The following FLT1 variants were observed in gnomAD, a reference collection of about 807,000 sequenced individuals.
FLT1 encodes the protein vascular endothelial growth factor receptor 1.
A neutral mutation model predicts 156.3 loss-of-function variants in FLT1; 49 were observed. The ratio of observed to expected loss-of-function variants is 0.31; its 90% CI spans 0.25 to 0.40. The LOEUF is 0.40. FLT1 is among the 10% of genes least tolerant of loss of function. The probability of loss-of-function intolerance (pLI) is 1.00; values close to 1 mark genes in which losing one functional copy is unlikely to be tolerated. For missense variants in FLT1, 1,322 were observed against 1,637.2 expected, an observed-to-expected ratio of 0.81 and a Z score of 3.32; for synonymous variants, 594 against 583.8, an observed-to-expected ratio of 1.02 and a Z score of -0.25.
rs1870460982 is a variant in FLT1, at chr13:28,300,516, TA to T, written c.*2650del. On this transcript the variant is annotated 3_prime_UTR_variant, in exon 30 of 30. Transcript: ENST00000282397. ...TAAATAGTTATGCACAAAACACACA[TA>T]CACCCACACACACACACACACACAC... 1.7e-5 allele frequency: 3 copies of T among 171,494 alleles called. No homozygotes were observed. Among genetic ancestry groups the T allele is most frequent in the East Asian group, 6.8e-5 (1 of 14,802 alleles). The allele number at this position is 171,494 out of a possible 1,614,324, so 10.6% of individuals were successfully genotyped here.
At chr13:28,361,703 A>G (rs1030468960) in intron 14 of FLT1, among the ~76,000 whole-genome samples, 8 of 152,218 alleles carry the variant, frequency 5.3e-5, no homozygotes, top group African/African-American at 1.9e-4. Flanking sequence ...TAAAAACACA[A>G]AACTTTGCTG....
chr13:28,386,965 T>C, intron 13 of FLT1: 11 of 1,043,440 alleles, frequency 1.1e-5, no homozygotes, highest in Non-Finnish European at 1.3e-5. Flanking sequence ...AAAGGAAGTC[T>C]GAATACAGAG....
Position 28,311,875 on chromosome 13 carries a change from C to T in FLT1, c.3492+118G>A. 4 of 1,056,532 alleles carry T rather than the reference C, an allele frequency of 3.8e-6. No individual in the cohort carries two copies. In the South Asian group the frequency reaches 5.3e-5, roughly 14 times the overall value. 65.4% of individuals were successfully genotyped at this position (1,056,532 alleles called of 1,614,324 possible). On this transcript the variant is annotated intron_variant, in intron 26 of 29. Coordinates refer to ENST00000282397, the MANE Select transcript of FLT1 (RefSeq NM_002019.4). Reference sequence around the variant, plus strand: ...TAATTCTGTATACACACACACACACCCTTTTTTTAAACTTCTGATCTCAGC... The same window carrying T: ...TAATTCTGTATACACACACACACACTCTTTTTTTAAACTTCTGATCTCAGC...
At chr13:28,362,066 T>C (rs1314722072) in intron 14 of FLT1, among the ~76,000 whole-genome samples, 1 of 152,032 alleles carries the variant, frequency 6.6e-6, no homozygotes, top group Admixed American at 6.5e-5. Context: ...GGAAAGGAAG[T>C]AGAGAGGAAG....
intron 1 of FLT1, among the ~76,000 whole-genome samples, chr13:28,474,155 T>G (rs1334363167): frequency 6.8e-6 from 1 of 147,148 alleles, no homozygotes. Context: ...CTAGTTTTAT[T>G]GTTAAAAAAC....
At chr13:28,474,485 GACAC>G (rs57021123) in intron 1 of FLT1, among the ~76,000 whole-genome samples, 6,853 of 112,394 alleles carry the variant, frequency 0.061, 225 homozygotes, top group East Asian at 0.15. Context: ...AACAACCACA[GACAC>G]ACACACACAC....
intron 3 of FLT1, among the ~76,000 whole-genome samples, chr13:28,438,922 C>T (rs1163565628): frequency 1.3e-5 from 2 of 152,160 alleles, no homozygotes; most frequent in African/African-American, 2.4e-5. Context: ...TAGGGGGAGG[C>T]GGACAGGCCG....
intron 1 of FLT1, among the ~76,000 whole-genome samples, chr13:28,480,032 G>T (rs1011738759): frequency 2.0e-5 from 3 of 152,156 alleles, no homozygotes; most frequent in African/African-American, 7.2e-5. Context: ...TGCCGAAGCT[G>T]CTCCCATGAA....
At chr13:28,359,049 A>G (rs879520453) in intron 14 of FLT1, among the ~76,000 whole-genome samples, 37 of 152,264 alleles carry the variant, frequency 2.4e-4, no homozygotes, top group Non-Finnish European at 4.0e-4. Flanking sequence ...GTATTTCATT[A>G]GTTTAAATAG....
chr13:28,348,209 C>T (rs1872627293), intron 15 of FLT1, among the ~76,000 whole-genome samples: 1 of 152,222 alleles, frequency 6.6e-6, no homozygotes, highest in African/African-American at 2.4e-5. Context: ...ACCTCATTGG[C>T]CATGGCTCCC....
intron 14 of FLT1, among the ~76,000 whole-genome samples, chr13:28,371,622 A>G (rs1417487950): frequency 6.6e-6 from 1 of 152,190 alleles, no homozygotes; most frequent in Admixed American, 6.5e-5. Flanking sequence ...ACTTCCTTTT[A>G]GTTAAAAGGT....
intron 1 of FLT1, among the ~76,000 whole-genome samples, chr13:28,477,618 C>T (rs1166548528): frequency 6.6e-6 from 1 of 152,208 alleles, no homozygotes; most frequent in South Asian, 2.1e-4. Context: ...AGAAAACACT[C>T]TTTACACCCT....
chr13:28,480,239 A>AT (rs1175336536), intron 1 of FLT1, among the ~76,000 whole-genome samples: 1 of 151,898 alleles, frequency 6.6e-6, no homozygotes, highest in Non-Finnish European at 1.5e-5. Context: ...TACCTTGTTT[A>AT]TTTTTCCATC....
chr13:28,494,853 G>A lies in FLT1; in HGVS notation c.-10C>T, dbSNP rs372406806. On this transcript the variant is annotated 5_prime_UTR_variant, in exon 1 of 30. Transcript: ENST00000282397. ...CCCAGTAGCTGACCATGGTGAGCGCGACGCGGCCTGCTCGCCCGGTGCCCG... is the reference window on the plus strand; with the variant it reads ...CCCAGTAGCTGACCATGGTGAGCGCAACGCGGCCTGCTCGCCCGGTGCCCG... 30 of 1,543,132 alleles carry A rather than the reference G, an allele frequency of 1.9e-5. No homozygotes were observed. Among genetic ancestry groups the A allele is most frequent in the Non-Finnish European group, 2.6e-5 (30 of 1,150,878 alleles).
intron 15 of FLT1, among the ~76,000 whole-genome samples, chr13:28,355,219 T>C (rs1221567374): frequency 2.0e-5 from 3 of 152,194 alleles, no homozygotes; most frequent in Admixed American, 6.5e-5. Flanking sequence ...TTGTGCGACT[T>C]TGGGCAAGTT....
intron 1 of FLT1, among the ~76,000 whole-genome samples, chr13:28,470,464 C>T (rs1004815095): frequency 2.6e-5 from 4 of 152,236 alleles, no homozygotes; most frequent in Non-Finnish European, 5.9e-5. Flanking sequence ...TCTGGCATTA[C>T]TTGTAGTTAT....
rs1369568110 is a variant in FLT1, at chr13:28,439,459, A to G, written c.389-1114T>C. On this transcript the variant is annotated intron_variant, in intron 3 of 29. Coordinates refer to ENST00000282397, the MANE Select transcript of FLT1 (RefSeq NM_002019.4). This position sits in a 1 kb window ranked among gnomAD's most constrained non-coding sequence, Gnocchi z 4.1. ...TTGGAGAGAAACAAAAGCAGTAAGCAGGCAATGGTTGCCCAGACTAGATGG... is the reference window on the plus strand; with the variant it reads ...TTGGAGAGAAACAAAAGCAGTAAGCGGGCAATGGTTGCCCAGACTAGATGG... 1.3e-5 allele frequency among the ~76,000 whole-genome samples: 2 copies of G among 152,236 alleles called. No homozygotes were observed. The highest frequency in any genetic ancestry group is 3.9e-4 in the East Asian group (2 of 5,194).
intron 11 of FLT1, 23 bp downstream of exon 11, chr13:28,405,757 G>A (rs1045521668): frequency 1.7e-6 from 2 of 1,196,160 alleles, no homozygotes; most frequent in African/African-American, 3.0e-5. Flanking sequence ...AAATATCCCA[G>A]TGCGCATTTT....
intron 13 of FLT1, 122 bp downstream of exon 13, chr13:28,389,674 G>C: frequency 1.3e-6 from 2 of 1,553,578 alleles, no homozygotes; most frequent in South Asian, 1.2e-5. Context: ...GATGATATGA[G>C]ACAACTGTTA....
Sources: gnomAD v4.1 joint callset for allele counts (sites outside exome capture counted in the v4.1 genomes callset) on GRCh38, gnomAD v4.1.1 for gene constraint, Gnocchi (gnomAD v3.1) non-coding constraint, MANE v1.5 for transcripts, NCBI Gene and HGNC (gene_info 2026-07-23, HGNC 2026-07-21) for gene names.